Variants in PXDNL observed in about 807,000 individuals in gnomAD.
The protein encoded by PXDNL is probable oxidoreductase PXDNL.
A neutral mutation model predicts 150.8 loss-of-function variants in PXDNL; 145 were observed. The ratio of observed to expected loss-of-function variants is 0.96; its 90% CI spans 0.84 to 1.10. PXDNL has a LOEUF of 1.10. Ranked by LOEUF, PXDNL falls within the 50% of genes least tolerant of loss-of-function variation. The probability of loss-of-function intolerance (pLI) is 0.00; values close to 1 mark genes in which losing one functional copy is unlikely to be tolerated. For synonymous variants in PXDNL, 757 were observed against 725.7 expected (o/e 1.04, Z -0.69); for missense variants, 2,087 against 1,873.9 (o/e 1.11, Z -2.10).
At chr8:51,379,308 T>A (rs1341136186) in intron 17 of PXDNL, among the ~76,000 whole-genome samples, 1 of 152,136 alleles carries the variant, frequency 6.6e-6, no homozygotes, top group South Asian at 2.1e-4. Context: ...TGGTGAGAGA[T>A]TTAGAAGTAA....
chr8:51,561,350 C>G (rs1016142400), intron 3 of PXDNL, among the ~76,000 whole-genome samples: 1 of 151,832 alleles, frequency 6.6e-6, no homozygotes, highest in African/African-American at 2.4e-5. Context: ...GGATTCAACC[C>G]AAGTGTCCAT....
intron 1 of PXDNL, among the ~76,000 whole-genome samples, chr8:51,776,466 C>A (rs1010858402): frequency 6.6e-6 from 1 of 152,026 alleles, no homozygotes; most frequent in Non-Finnish European, 1.5e-5. Context: ...TCAGGCCAGC[C>A]GACACTTAGA....
chr8:51,437,547 T>C (rs1486846877), intron 12 of PXDNL, among the ~76,000 whole-genome samples: 10 of 152,162 alleles, frequency 6.6e-5, no homozygotes, highest in African/African-American at 2.4e-4. Context: ...TGCAAATCAA[T>C]AAGTGTGATA....
intron 2 of PXDNL, among the ~76,000 whole-genome samples, chr8:51,608,710 G>A (rs543109729): frequency 1.5e-4 from 22 of 151,222 alleles, no homozygotes; most frequent in African/African-American, 5.1e-4. Flanking sequence ...GGTGGTGGGT[G>A]CCTGTAGTCC....
intron 18 of PXDNL, among the ~76,000 whole-genome samples, chr8:51,374,286 T>A (rs1807229231): frequency 1.3e-5 from 2 of 152,198 alleles, no homozygotes; most frequent in Admixed American, 1.3e-4. Context: ...ATGTCTAAAG[T>A]TAAACAGCTG....
intron 1 of PXDNL, among the ~76,000 whole-genome samples, chr8:51,710,914 C>T (rs1237254518): frequency 6.6e-6 from 1 of 152,174 alleles, no homozygotes; most frequent in Non-Finnish European, 1.5e-5. Context: ...AGCCCTCACA[C>T]TCCATGGTGA....
At chr8:51,551,049 C>G (rs1812468904) in intron 4 of PXDNL, among the ~76,000 whole-genome samples, 1 of 152,016 alleles carries the variant, frequency 6.6e-6, no homozygotes, top group Admixed American at 6.6e-5. Flanking sequence ...ATCAAGAACT[C>G]AGCCCCTTTT....
intron 4 of PXDNL, among the ~76,000 whole-genome samples, chr8:51,546,879 C>T (rs950227870): frequency 6.6e-6 from 1 of 152,090 alleles, no homozygotes; most frequent in Non-Finnish European, 1.5e-5. Context: ...CTGCTGGCTT[C>T]CCCCAGTTCT....
intron 8 of PXDNL, among the ~76,000 whole-genome samples, chr8:51,471,246 C>A (rs1411824861): frequency 1.3e-5 from 2 of 151,802 alleles, no homozygotes; most frequent in South Asian, 4.1e-4. Flanking sequence ...CTCTTCATCA[C>A]TGGTCATTAG....
chr8:51,610,461 C>A (rs538738291), intron 2 of PXDNL, among the ~76,000 whole-genome samples: 73 of 152,168 alleles, frequency 4.8e-4, no homozygotes, highest in African/African-American at 1.7e-3. Flanking sequence ...ATAGATAGAC[C>A]TTTCCCTCTC....
chr8:51,554,980 A>G (rs1812571048), intron 4 of PXDNL, among the ~76,000 whole-genome samples: 4 of 152,192 alleles, frequency 2.6e-5, no homozygotes, highest in Admixed American at 2.6e-4. Flanking sequence ...CCAGTTCCAA[A>G]GTCACTTCCA....
intron 1 of PXDNL, among the ~76,000 whole-genome samples, chr8:51,762,357 C>G (rs1443740226): frequency 6.6e-6 from 1 of 152,206 alleles, no homozygotes; most frequent in Non-Finnish European, 1.5e-5. Context: ...ATCCCCTTCC[C>G]CCTTTGTATT....
chr8:51,489,697 A>G (rs558795429), intron 5 of PXDNL, among the ~76,000 whole-genome samples: 1 of 152,236 alleles, frequency 6.6e-6, no homozygotes, highest in Non-Finnish European at 1.5e-5. Flanking sequence ...ATAATAGGCT[A>G]GAAGAAATAG....
rs112225762 is a variant in PXDNL, at chr8:51,532,616, T to C, written c.380+24224A>G. On this transcript the variant is annotated intron_variant, in intron 4 of 22. Coordinates refer to ENST00000356297, the MANE Select transcript of PXDNL (RefSeq NM_144651.5). ...TTTTAACTTCTCCTTTGGTAAGTCA[T>C]TGGTGCAGGTTCAATTGAAAAGATG... Among the ~76,000 whole-genome samples the C allele has an allele frequency of 2.0e-3, 304 of 152,332 alleles. 1 individual carries two copies. The highest frequency in any genetic ancestry group is 6.7e-3 in the African/African-American group (279 of 41,564).
At chr8:51,550,439 A>T (rs1812455266) in intron 4 of PXDNL, among the ~76,000 whole-genome samples, 1 of 152,006 alleles carries the variant, frequency 6.6e-6, no homozygotes, top group South Asian at 2.1e-4. Context: ...CTCAACAAAA[A>T]CCTAGCTAAC....
At chr8:51,755,212 T>C (rs1422411751) in intron 1 of PXDNL, among the ~76,000 whole-genome samples, 1 of 152,018 alleles carries the variant, frequency 6.6e-6, no homozygotes, top group Admixed American at 6.5e-5. Context: ...TATTCTCCTA[T>C]CTTGAGAAGC....
intron 3 of PXDNL, among the ~76,000 whole-genome samples, chr8:51,587,911 C>T (rs1341632842): frequency 6.6e-6 from 1 of 152,128 alleles, no homozygotes; most frequent in African/African-American, 2.4e-5. Flanking sequence ...CCCGACCTCA[C>T]AGAATCCAGT....
At chr8:51,505,520 C>A (rs1030004396) in intron 4 of PXDNL, among the ~76,000 whole-genome samples, 5 of 152,188 alleles carry the variant, frequency 3.3e-5, no homozygotes, top group African/African-American at 1.2e-4. Context: ...ATGTTCTCAA[C>A]CTTTTTGTAC....
chr8:51,672,271 C>G (rs757464053), intron 1 of PXDNL, among the ~76,000 whole-genome samples: 1 of 152,176 alleles, frequency 6.6e-6, no homozygotes, highest in African/African-American at 2.4e-5. Flanking sequence ...CATGAGCCAC[C>G]GTGCCTGGCT....
Sources: gnomAD v4.1 joint callset for allele counts (sites outside exome capture counted in the v4.1 genomes callset) on GRCh38, gnomAD v4.1.1 for gene constraint, MANE v1.5 for transcripts, NCBI Gene and HGNC (gene_info 2026-07-23, HGNC 2026-07-21) for gene names.